Variants in GRID2 observed in about 807,000 individuals in gnomAD.
GRID2 encodes glutamate ionotropic receptor delta type subunit 2.
In GRID2, 33 loss-of-function variants were observed where a neutral mutation model predicts 114.8. That is an observed-to-expected ratio of 0.29 (90% CI 0.22 to 0.38). The LOEUF is 0.38. Ranked by LOEUF, GRID2 falls within the 10% of genes least tolerant of loss-of-function variation. The probability of loss-of-function intolerance (pLI) is 1.00; values close to 1 mark genes in which losing one functional copy is unlikely to be tolerated. For missense variants in GRID2, 1,184 were observed against 1,257.7 expected, an observed-to-expected ratio of 0.94 and a Z score of 0.89; for synonymous variants, 505 against 449.9, an observed-to-expected ratio of 1.12 and a Z score of -1.55.
intron 1 of GRID2, among the ~76,000 whole-genome samples, chr4:92,403,715 A>G (rs1002392791): frequency 1.3e-5 from 2 of 150,318 alleles, no homozygotes; most frequent in African/African-American, 4.9e-5. Context: ...TAAATAAATA[A>G]ATAAATAAAT....
chr4:92,490,885 C>T (rs928294679), intron 1 of GRID2, among the ~76,000 whole-genome samples: 29 of 152,002 alleles, frequency 1.9e-4, no homozygotes, highest in Non-Finnish European at 5.9e-5. Context: ...CATCATTAAC[C>T]GTAAGTGTTC....
intron 14 of GRID2, among the ~76,000 whole-genome samples, chr4:93,744,091 A>G (rs554628554): frequency 1.3e-5 from 2 of 152,332 alleles, no homozygotes; most frequent in African/African-American, 4.8e-5. Context: ...TTTAAGCCCA[A>G]TGTGGAGACA....
At chr4:93,174,520 A>C (rs1739159121) in intron 4 of GRID2, among the ~76,000 whole-genome samples, 1 of 152,134 alleles carries the variant, frequency 6.6e-6, no homozygotes, top group Admixed American at 6.5e-5. Flanking sequence ...TCATATGTTG[A>C]AGCTTTAACC....
intron 11 of GRID2, among the ~76,000 whole-genome samples, chr4:93,470,132 TA>T (rs1159820527): frequency 3.9e-5 from 6 of 152,070 alleles, no homozygotes; most frequent in African/African-American, 1.4e-4. Flanking sequence ...GATAAGCATA[TA>T]AAAGCCTACT....
chr4:93,749,876 T>C (rs913769070), intron 14 of GRID2, among the ~76,000 whole-genome samples: 4 of 152,174 alleles, frequency 2.6e-5, no homozygotes, highest in Admixed American at 2.6e-4. Flanking sequence ...AGTTTCTAAA[T>C]ATAGAAAAAT....
At chr4:92,988,776 G>T (rs1231279803) in intron 2 of GRID2, among the ~76,000 whole-genome samples, 5 of 152,116 alleles carry the variant, frequency 3.3e-5, no homozygotes, top group African/African-American at 1.2e-4. Flanking sequence ...ATGATAAATA[G>T]CATAATTGTG....
chr4:92,305,533 G>A (rs1725343468), intron 1 of GRID2, among the ~76,000 whole-genome samples: 1 of 152,124 alleles, frequency 6.6e-6, no homozygotes, highest in Admixed American at 6.5e-5. Flanking sequence ...GCCTCGCCTC[G>A]CCTCGCCTCG....
chr4:92,642,319 T>C (rs1418497870), intron 2 of GRID2, among the ~76,000 whole-genome samples: 1 of 151,874 alleles, frequency 6.6e-6, no homozygotes, highest in Admixed American at 6.6e-5. Context: ...TATAGTTTAC[T>C]TAATAGTAGC....
At chr4:92,678,110 TTCTACTC>T (rs113831549) in intron 2 of GRID2, among the ~76,000 whole-genome samples, 44,831 of 151,738 alleles carry the variant, frequency 0.3, 7,408 homozygotes, top group African/African-American at 0.45. Context: ...TTTGCTTACT[TTCTACTC>T]TCTTTAGATC....
At chr4:93,112,920 C>A (rs1214421564) in intron 4 of GRID2, among the ~76,000 whole-genome samples, 1 of 152,142 alleles carries the variant, frequency 6.6e-6, no homozygotes, top group Non-Finnish European at 1.5e-5. Context: ...AGGGTTCACC[C>A]TAATGACCTA....
intron 7 of GRID2, among the ~76,000 whole-genome samples, chr4:93,233,957 T>G (rs1746458474): frequency 6.6e-6 from 1 of 152,172 alleles, no homozygotes. Context: ...GTTGTCATGT[T>G]TGGTTTTGTG....
rs372936948 is a variant in GRID2, at chr4:93,665,471, T to A, written c.2360+39036T>A. On this transcript the variant is annotated intron_variant, in intron 14 of 15. Coordinates refer to ENST00000282020, the MANE Select transcript of GRID2 (RefSeq NM_001510.4). ...TGCCTACATTCAGCTCATTTTAAGA[T>A]GTGTCTTTTATATGCATTTGTCTTC... Among the ~76,000 whole-genome samples, 70 of 152,344 alleles carry A rather than the reference T, an allele frequency of 4.6e-4. 2 individuals carry two copies. The South Asian group carries it at 0.014, about 30-fold the overall frequency.
intron 11 of GRID2, among the ~76,000 whole-genome samples, chr4:93,479,029 G>C (rs1580198269): frequency 6.6e-6 from 1 of 152,114 alleles, no homozygotes; most frequent in Admixed American, 6.6e-5. Flanking sequence ...CGTGCATTGA[G>C]GATATTGCAG....
At position 93,099,265 on chromosome 4, in the gene GRID2, T is replaced by C. The variant is rs560883464; in HGVS notation, c.530-11483T>C. Among the ~76,000 whole-genome samples, 29 of 152,054 alleles carry C rather than the reference T, an allele frequency of 1.9e-4. No homozygotes were observed. In the East Asian group the frequency reaches 3.1e-3, roughly 16 times the overall value. ...AGAAAAATTAAGGAAACTATAATTG[T>C]TTTATTATAATTCATTATTTTAAAA... On this transcript the variant is annotated intron_variant, in intron 3 of 15. Transcript: ENST00000282020.
intron 8 of GRID2, among the ~76,000 whole-genome samples, chr4:93,295,147 A>G (rs752885216): frequency 2.6e-5 from 4 of 152,166 alleles, no homozygotes; most frequent in Admixed American, 6.5e-5. Context: ...CTGGGTGAAT[A>G]AAATGAAAGT....
chr4:92,947,565 T>G (rs1751728802), intron 2 of GRID2, among the ~76,000 whole-genome samples: 3 of 151,886 alleles, frequency 2.0e-5, no homozygotes, highest in Admixed American at 2.0e-4. Context: ...AAAAACTGAC[T>G]ATATCTTATG....
At chr4:93,475,899 TA>T (rs1476833053) in intron 11 of GRID2, among the ~76,000 whole-genome samples, 1 of 152,194 alleles carries the variant, frequency 6.6e-6, no homozygotes, top group African/African-American at 2.4e-5. Context: ...AATGGATCAC[TA>T]CAGAGTGGCA....
intron 3 of GRID2, among the ~76,000 whole-genome samples, chr4:93,098,168 G>T (rs1327033565): frequency 9.9e-5 from 15 of 152,042 alleles, no homozygotes; most frequent in African/African-American, 3.6e-4. Context: ...CAAAGCACTT[G>T]TACTGTGTTT....
chr4:93,542,915 G>A (rs185930944), intron 13 of GRID2, among the ~76,000 whole-genome samples: 83 of 152,100 alleles, frequency 5.5e-4, no homozygotes, highest in South Asian at 6.2e-4. Flanking sequence ...CCATGCTTGC[G>A]TAGATCCTGG....
Sources: gnomAD v4.1 joint callset for allele counts (sites outside exome capture counted in the v4.1 genomes callset) on GRCh38, gnomAD v4.1.1 for gene constraint, MANE v1.5 for transcripts, NCBI Gene and HGNC (gene_info 2026-07-23, HGNC 2026-07-21) for gene names.